ENOX1: variants seen among roughly 807,000 people sequenced by gnomAD.
ENOX1 encodes the protein candidate growth-related and time keeping constitutive hydroquinone (NADH) oxidase.
ENOX1 carries 42 observed loss-of-function variants against 82.5 expected under a neutral mutation model. The ratio of observed to expected loss-of-function variants is 0.51; its 90% CI spans 0.40 to 0.66. The LOEUF is 0.66. ENOX1 is among the 30% of genes least tolerant of loss of function. ENOX1 has a pLI of 0.00. For synonymous variants in ENOX1, 271 were observed against 282.2 expected (o/e 0.96, Z 0.40); for missense variants, 608 against 811.6 (o/e 0.75, Z 3.05).
chr13:43,736,070 G>C (rs2089614373), intron 1 of ENOX1, among the ~76,000 whole-genome samples: 1 of 152,098 alleles, frequency 6.6e-6, no homozygotes, highest in Admixed American at 6.5e-5. Flanking sequence ...TTTGCACTCA[G>C]TCAGCTTGGT....
chr13:43,404,041 G>GC (rs1394663800), intron 5 of ENOX1, among the ~76,000 whole-genome samples: 1 of 151,904 alleles, frequency 6.6e-6, no homozygotes, highest in Non-Finnish European at 1.5e-5. Flanking sequence ...ATCTACCTCT[G>GC]CCATCCCTTT....
At position 43,460,793 on chromosome 13, in the gene ENOX1, C is replaced by CAAAAAAAAAA. The variant is rs1312983530; in HGVS notation, c.-75+23206_-75+23215dup. On this transcript the variant is annotated intron_variant, in intron 3 of 16. Transcript: ENST00000690772. The stretch of plus-strand genomic sequence containing the variant: ...CGGGCGACAGAGCGAGACTCCATCT[C>CAAAAAAAAAA]AAAAAAAAAAAAAAAAAAAAAAAAA... Among the ~76,000 whole-genome samples the CAAAAAAAAAA allele has an allele frequency of 1.3e-3, 33 of 25,720 alleles. 1 individual carries two copies. The highest frequency in any genetic ancestry group is 3.4e-3 in the Admixed American group (5 of 1,452). 16.9% of individuals were successfully genotyped at this position (25,720 alleles called of 152,430 possible). A position where few individuals can be genotyped will look rare whatever the true frequency, so the allele number is the denominator to read the frequency against.
chr13:43,482,632 TG>T (rs1851282318), intron 3 of ENOX1, among the ~76,000 whole-genome samples: 1 of 142,616 alleles, frequency 7.0e-6, no homozygotes, highest in African/African-American at 2.6e-5. Flanking sequence ...TTTGTGTGTG[TG>T]TGTTTTAACC....
At position 43,269,511 on chromosome 13, in the gene ENOX1, G is replaced by A; in HGVS notation, c.1513C>T (p.Gln505Ter). 1 of 1,613,954 alleles carries A rather than the reference G, an allele frequency of 6.2e-7. No homozygotes were observed. The highest frequency in any genetic ancestry group is 8.5e-7 in the Non-Finnish European group (1 of 1,179,866). The change falls in exon 13 of 17, where the codon CAG becomes TAG. Residue 505 changes from glutamine to a stop codon, truncating the protein, a stop_gained. Coordinates refer to ENST00000690772, the MANE Select transcript of ENOX1 (RefSeq NM_001347969.2). LOFTEE classifies it high-confidence loss of function. ...TTTAGTAACGCTTGTGTATGGGACT[G>A]CTCTTCCTTTGCTTGTTCCAATTCT... is the stretch of plus-strand genomic sequence containing the variant. ...KSELEQAKEE[Q>*]SHTQALLKVL...
At chr13:43,322,710 T>C (rs534995104) in intron 10 of ENOX1, among the ~76,000 whole-genome samples, 2 of 152,352 alleles carry the variant, frequency 1.3e-5, no homozygotes, top group South Asian at 2.1e-4. Flanking sequence ...TGCTCACCCA[T>C]GACTAGGGCT....
intron 14 of ENOX1, among the ~76,000 whole-genome samples, chr13:43,255,213 T>C (rs562022637): frequency 1.8e-4 from 27 of 152,140 alleles, no homozygotes; most frequent in Non-Finnish European, 4.4e-5. Flanking sequence ...ATTTCATAGA[T>C]GGTGAAAAAG....
chr13:43,217,795 C>T (rs2041564963), intron 16 of ENOX1, among the ~76,000 whole-genome samples: 1 of 152,192 alleles, frequency 6.6e-6, no homozygotes, highest in Admixed American at 6.5e-5. Context: ...GGTTTGTGTG[C>T]TGGCCTCTCC....
At chr13:43,640,889 C>T (rs1313335572) in intron 2 of ENOX1, among the ~76,000 whole-genome samples, 8 of 111,732 alleles carry the variant, frequency 7.2e-5, no homozygotes, top group Non-Finnish European at 1.4e-4. Context: ...CACGCGCACA[C>T]ACACACGTAC....
At chr13:43,666,897 T>C (rs552699677) in intron 2 of ENOX1, among the ~76,000 whole-genome samples, 10 of 152,250 alleles carry the variant, frequency 6.6e-5, no homozygotes, top group Admixed American at 2.0e-4. Flanking sequence ...AAGAAAAAGA[T>C]AGCTCATATC....
Position 43,361,382 on chromosome 13 carries a change from C to A in ENOX1, c.279G>T (p.Met93Ile), listed in dbSNP as rs2153560285. The A allele has an allele frequency of 1.9e-6, 3 of 1,613,252 alleles. No homozygotes were observed. The highest frequency in any genetic ancestry group is 2.5e-6 in the Non-Finnish European group (3 of 1,179,834). Residue 93 changes from methionine (M) to isoleucine (I), a missense_variant, in exon 6 of 17, where the codon ATG (methionine) becomes ATT (isoleucine). Met to Ile is a conservative substitution (Grantham distance 10). Coordinates refer to ENST00000690772, the MANE Select transcript of ENOX1 (RefSeq NM_001347969.2). ...MMTGITPINPMIPGLGLVPPP... is the reference protein window; with the variant it reads ...MMTGITPINPIIPGLGLVPPP... ...GAGGTACCAGTCCAAGGCCTGGTAT[C>A]ATTGGGTTAATGGGGGTGATTCCAG...
intron 2 of ENOX1, among the ~76,000 whole-genome samples, chr13:43,494,222 C>A (rs2076718376): frequency 6.6e-6 from 1 of 152,116 alleles, no homozygotes; most frequent in African/African-American, 2.4e-5. Flanking sequence ...TCAACCATCA[C>A]AATAATCACA....
intron 1 of ENOX1, among the ~76,000 whole-genome samples, chr13:43,744,124 T>A (rs1949898277): frequency 6.6e-6 from 1 of 152,124 alleles, no homozygotes; most frequent in African/African-American, 2.4e-5. Flanking sequence ...CAGCAGCAGC[T>A]TTTCACTCTC....
intron 15 of ENOX1, among the ~76,000 whole-genome samples, chr13:43,233,251 C>T (rs1405385011): frequency 6.6e-6 from 1 of 152,156 alleles, no homozygotes; most frequent in Non-Finnish European, 1.5e-5. Context: ...AAATTGATTA[C>T]AAAATGAATA....
At chr13:43,574,940 G>T (rs2080348582) in intron 2 of ENOX1, among the ~76,000 whole-genome samples, 1 of 152,180 alleles carries the variant, frequency 6.6e-6, no homozygotes, top group East Asian at 1.9e-4. Context: ...CAGTTCTGAG[G>T]CGGGGAAGGT....
chr13:43,373,915 G>C (rs2051423313), intron 5 of ENOX1, among the ~76,000 whole-genome samples: 1 of 152,166 alleles, frequency 6.6e-6, no homozygotes, highest in Admixed American at 6.5e-5. Context: ...GACTTGTTTG[G>C]ATAATGTTTT....
At chr13:43,451,572 T>C (rs2056966716) in intron 3 of ENOX1, among the ~76,000 whole-genome samples, 1 of 152,216 alleles carries the variant, frequency 6.6e-6, no homozygotes, top group Admixed American at 6.5e-5. Context: ...TAAGTGATTA[T>C]TTTATCATAG....
chr13:43,450,559 T>A (rs1468193200), intron 3 of ENOX1, among the ~76,000 whole-genome samples: 1 of 152,014 alleles, frequency 6.6e-6, no homozygotes, highest in East Asian at 1.9e-4. Context: ...TTATTATGGT[T>A]TCCATGGAAA....
At chr13:43,443,513 TC>T (rs2056467741) in intron 3 of ENOX1, among the ~76,000 whole-genome samples, 1 of 152,202 alleles carries the variant, frequency 6.6e-6, no homozygotes, top group Admixed American at 6.5e-5. Context: ...CCGATGTACA[TC>T]ATCTACTATG....
At chr13:43,430,741 A>G (rs2055606015) in intron 3 of ENOX1, among the ~76,000 whole-genome samples, 1 of 152,248 alleles carries the variant, frequency 6.6e-6, no homozygotes. Flanking sequence ...AAACACTACA[A>G]TTTAATAGAA....
Sources: allele counts gnomAD v4.1 joint callset (sites outside exome capture counted in the v4.1 genomes callset), GRCh38; gene constraint gnomAD v4.1.1; transcripts MANE v1.5; gene names NCBI Gene and HGNC (gene_info 2026-07-23, HGNC 2026-07-21).